Variants in CACNG3 observed in about 807,000 individuals in gnomAD.
The protein encoded by CACNG3 is voltage-dependent calcium channel gamma-3 subunit.
Under a neutral mutation model 28.5 loss-of-function variants are expected in CACNG3, and 3 were observed. The ratio of observed to expected loss-of-function variants is 0.11; its 90% CI spans 0.05 to 0.27. The LOEUF (loss-of-function observed/expected upper bound fraction) is 0.27, where lower values mean the gene tolerates loss of function less well. CACNG3 is among the 10% of genes least tolerant of loss of function. The pLI is 1.00. For synonymous variants in CACNG3, 174 were observed against 162.2 expected (o/e 1.07, Z -0.55); for missense variants, 236 against 414.4 (o/e 0.57, Z 3.74).
intron 1 of CACNG3, among the ~76,000 whole-genome samples, chr16:24,337,055 C>A (rs969161038): frequency 1.3e-5 from 2 of 152,102 alleles, no homozygotes; most frequent in Admixed American, 1.3e-4. Context: ...CTCAATAGAT[C>A]CTCCTGCCTT....
intron 1 of CACNG3, among the ~76,000 whole-genome samples, chr16:24,329,395 G>T (rs968748642): frequency 3.3e-5 from 5 of 152,228 alleles, no homozygotes; most frequent in African/African-American, 1.2e-4. Flanking sequence ...GCTGGAGACA[G>T]ATCCAGGAGG....
chr16:24,299,219 T>C (rs534346222), intron 1 of CACNG3, among the ~76,000 whole-genome samples: 1 of 152,354 alleles, frequency 6.6e-6, no homozygotes, highest in East Asian at 1.9e-4. Flanking sequence ...CTTATTTATT[T>C]ATTCATTTAT....
intron 1 of CACNG3, among the ~76,000 whole-genome samples, chr16:24,337,543 A>G (rs533499812): frequency 6.6e-6 from 1 of 152,202 alleles, no homozygotes; most frequent in African/African-American, 2.4e-5. Flanking sequence ...GGCCAGGTCC[A>G]TGGTGGCTCA....
intron 1 of CACNG3, among the ~76,000 whole-genome samples, chr16:24,306,741 T>C (rs1369400407): frequency 6.6e-6 from 1 of 152,054 alleles, no homozygotes; most frequent in Admixed American, 6.5e-5. Context: ...ACTGCCATGC[T>C]AGAGATTCAC....
At position 24,257,363 on chromosome 16, in the gene CACNG3, A is replaced by AGGGGG. The variant is rs201769838; in HGVS notation, c.211+400_211+404dup. 3.0e-4 allele frequency among the ~76,000 whole-genome samples: 20 copies of AGGGGG among 67,448 alleles called. 3 individuals carry two copies. The highest frequency in any genetic ancestry group is 4.8e-4 in the Non-Finnish European group (16 of 33,394). 44.2% of individuals were successfully genotyped at this position (67,448 alleles called of 152,430 possible). ...GAGAAGGGACAAGAGGAAAGAAGTGAGGGGGGAGAGAGAGAGAGAGAGAGA... is the reference window on the plus strand; with the variant it reads ...GAGAAGGGACAAGAGGAAAGAAGTGAGGGGGGGGGGGAGAGAGAGAGAGAGAGAGA... On this transcript the variant is annotated intron_variant, in intron 1 of 3. Coordinates refer to ENST00000005284, the MANE Select transcript of CACNG3 (RefSeq NM_006539.4).
chr16:24,273,368 C>T (rs1404000803), intron 1 of CACNG3, among the ~76,000 whole-genome samples: 1 of 152,188 alleles, frequency 6.6e-6, no homozygotes, highest in Non-Finnish European at 1.5e-5. Context: ...TATTGATTAG[C>T]TTTCTAATTT....
chr16:24,301,692 G>A (rs1899113560), intron 1 of CACNG3, among the ~76,000 whole-genome samples: 1 of 152,158 alleles, frequency 6.6e-6, no homozygotes. Flanking sequence ...TGGAGCTGGG[G>A]GAATTGTTCT....
intron 1 of CACNG3, among the ~76,000 whole-genome samples, chr16:24,305,653 G>A (rs1021760918): frequency 5.3e-5 from 8 of 152,030 alleles, no homozygotes; most frequent in African/African-American, 1.9e-4. Flanking sequence ...TCCTGGGTGG[G>A]GAGCAAGAGG....
intron 1 of CACNG3, among the ~76,000 whole-genome samples, chr16:24,340,210 G>A (rs1194235929): frequency 1.3e-5 from 2 of 152,000 alleles, no homozygotes; most frequent in Non-Finnish European, 2.9e-5. Context: ...GTTCAAGATC[G>A]TGAACATGAC....
At chr16:24,270,043 A>G (rs1898666817) in intron 1 of CACNG3, among the ~76,000 whole-genome samples, 2 of 152,208 alleles carry the variant, frequency 1.3e-5, no homozygotes, top group Admixed American at 1.3e-4. Context: ...CTAAGAGTCT[A>G]TATATACATT....
At chr16:24,316,676 C>T (rs1011776720) in intron 1 of CACNG3, among the ~76,000 whole-genome samples, 2 of 152,208 alleles carry the variant, frequency 1.3e-5, no homozygotes, top group Non-Finnish European at 2.9e-5. Context: ...CCCCAAAGAC[C>T]TCAGGGCCTC....
chr16:24,333,672 C>CA (rs1008874901), intron 1 of CACNG3: 19 of 151,026 alleles, frequency 1.3e-4, no homozygotes, highest in South Asian at 6.3e-4. Context: ...CCTATCTCTA[C>CA]AAAAAAAAAT....
chr16:24,282,979 C>A (rs2141352016), intron 1 of CACNG3, among the ~76,000 whole-genome samples: 1 of 152,232 alleles, frequency 6.6e-6, no homozygotes, highest in African/African-American at 2.4e-5. Flanking sequence ...AGCAATTCTC[C>A]TGCCTCAGCC....
chr16:24,273,735 C>T (rs1047689602), intron 1 of CACNG3, among the ~76,000 whole-genome samples: 3 of 152,150 alleles, frequency 2.0e-5, no homozygotes, highest in African/African-American at 2.4e-5. Flanking sequence ...AATGGAGTTG[C>T]CTAATACTTA....
intron 1 of CACNG3, among the ~76,000 whole-genome samples, chr16:24,315,302 G>C (rs767124255): frequency 1.3e-5 from 2 of 151,976 alleles, no homozygotes; most frequent in Non-Finnish European, 2.9e-5. Context: ...GGTCTCCTCC[G>C]AATCCTAGGA....
intron 1 of CACNG3, among the ~76,000 whole-genome samples, chr16:24,319,153 C>T (rs1250704673): frequency 6.6e-6 from 1 of 152,144 alleles, no homozygotes; most frequent in African/African-American, 2.4e-5. Context: ...AGAGTGTCAA[C>T]CTAAATGACA....
chr16:24,275,339 G>A (rs1054784330), intron 1 of CACNG3, among the ~76,000 whole-genome samples: 3 of 152,092 alleles, frequency 2.0e-5, no homozygotes, highest in East Asian at 1.9e-4. Flanking sequence ...CCACTCACTT[G>A]CAGGGGAAGA....
intron 1 of CACNG3, among the ~76,000 whole-genome samples, chr16:24,305,492 G>A (rs1031852278): frequency 7.3e-5 from 11 of 151,716 alleles, no homozygotes; most frequent in Non-Finnish European, 1.3e-4. Flanking sequence ...CTGAGTAGCC[G>A]TTGCACCCAG....
chr16:24,330,509 C>T, intron 1 of CACNG3, among the ~76,000 whole-genome samples: 1 of 152,230 alleles, frequency 6.6e-6, no homozygotes, highest in Non-Finnish European at 1.5e-5. Flanking sequence ...CACAGCACTG[C>T]TCTCAGCCTC....
Sources: allele counts gnomAD v4.1 joint callset (sites outside exome capture counted in the v4.1 genomes callset), GRCh38; gene constraint gnomAD v4.1.1; transcripts MANE v1.5; gene names NCBI Gene and HGNC (gene_info 2026-07-23, HGNC 2026-07-21).